Variants in RPL32 observed in about 807,000 individuals in gnomAD.
RPL32 encodes the protein large ribosomal subunit protein eL32.
For synonymous variants in RPL32, 61 were observed against 62.6 expected (o/e 0.98, Z 0.12); for missense variants, 117 against 173.7 (o/e 0.67, Z 1.83).
At position 12,835,766 on chromosome 3, in the gene RPL32, T is replaced by C. The variant is rs946698479; in HGVS notation, c.*328A>G. On this transcript the variant is annotated 3_prime_UTR_variant, in exon 4 of 4. Coordinates refer to ENST00000429711, the MANE Select transcript of RPL32 (RefSeq NM_000994.4). The stretch of plus-strand genomic sequence containing the variant: ...AACTTTACAAAAGCAAGGCTAAGAA[T>C]GACTACTTGTGGCTTGGGAGCCACA... The C allele has an allele frequency of 5.5e-5, 13 of 238,314 alleles. No homozygotes were observed. The Admixed American group carries it at 6.6e-4, about 12-fold the overall frequency. 14.8% of individuals were successfully genotyped at this position (238,314 alleles called of 1,614,324 possible). A position where few individuals can be genotyped will look rare whatever the true frequency, so the allele number is the denominator to read the frequency against.
Position 12,841,539 on chromosome 3 carries a change from G to A in RPL32, c.-51C>T, listed in dbSNP as rs571345332. 18 of 152,390 alleles carry A rather than the reference G, an allele frequency of 1.2e-4. No individual in the cohort carries two copies. The highest frequency in any genetic ancestry group is 8.5e-4 in the Admixed American group (13 of 15,302). The allele number at this position is 152,390 out of a possible 1,614,324, so 9.4% of individuals were successfully genotyped here. On this transcript the variant is annotated 5_prime_UTR_variant, in exon 1 of 4. Coordinates refer to ENST00000429711, the MANE Select transcript of RPL32 (RefSeq NM_000994.4). ...CCTCCGTAGGCAGCGCCGAGGAAGA[G>A]AGAAGGGACGGTGGCGCGCAAGGGC...
intron 3 of RPL32, 147 bp downstream of exon 3, chr3:12,839,202 C>T: frequency 2.8e-6 from 2 of 715,126 alleles, no homozygotes; most frequent in Non-Finnish European, 4.8e-6. Context: ...CTCTAAAATC[C>T]TGCAAGGAAC....
At chr3:12,838,305 G>C (rs7638085) in intron 3 of RPL32, among the ~76,000 whole-genome samples, 4 of 152,006 alleles carry the variant, frequency 2.6e-5, no homozygotes, top group African/African-American at 9.7e-5. Flanking sequence ...TCTTGGGAGG[G>C]TGAGGCAGAA....
Position 12,836,204 on chromosome 3 carries a change from C to T in RPL32, c.298G>A (p.Ala100Thr), listed in dbSNP as rs770370617. 14 of 1,600,248 alleles carry T rather than the reference C, an allele frequency of 8.7e-6. No individual in the cohort carries two copies. The highest frequency in any genetic ancestry group is 3.3e-5 in the Admixed American group (2 of 59,990). The change falls in exon 4 of 4, where the codon GCT becomes ACT. Residue 100 changes from alanine to threonine, a missense_variant. Coordinates refer to ENST00000429711, the MANE Select transcript of RPL32 (RefSeq NM_000994.4). ...MCNKSYCAEI[A>T]HNVSSKNRKA... is the part of the protein sequence containing the mutation. ...CGGTTCTTGGAGGAAACATTGTGAG[C>T]GATCTCGGCACAGTAAGATCTGCAA... is the stretch of plus-strand genomic sequence containing the variant.
chr3:12,840,224 C>T lies in RPL32; in HGVS notation c.14G>A (p.Arg5Lys). The T allele has an allele frequency of 1.2e-6, 2 of 1,613,904 alleles. No individual in the cohort carries two copies. The highest frequency in any genetic ancestry group is 1.7e-6 in the Non-Finnish European group (2 of 1,179,838). Residue 5 changes from arginine (R) to lysine (K), a missense_variant, in exon 2 of 4, where the codon AGA becomes AAA. Arg to Lys is a conservative substitution (Grantham distance 26). Coordinates refer to ENST00000429711, the MANE Select transcript of RPL32 (RefSeq NM_000994.4). Reference protein sequence around the residue: MAALRPLVKPKIVKK... With the variant: MAALKPLVKPKIVKK... ...GACGATCTTGGGCTTCACAAGGGGT[C>T]TGAGGGCGGCCATGATGCCTTTTGG...
intron 2 of RPL32, among the ~76,000 whole-genome samples, chr3:12,839,909 G>T (rs2062134400): frequency 6.6e-6 from 1 of 152,162 alleles, no homozygotes; most frequent in South Asian, 2.1e-4. Flanking sequence ...CAAATGCAAA[G>T]CCCTCTGAAC....
chr3:12,837,406 AAG>A (rs1218090574), intron 3 of RPL32, among the ~76,000 whole-genome samples: 1 of 152,244 alleles, frequency 6.6e-6, no homozygotes, highest in African/African-American at 2.4e-5. Context: ...TCAAACGTCA[AAG>A]AGTATTTCTA....
In RPL32 at chr3:12,835,549, G is replaced by GA; in HGVS notation, c.*544dup. On this transcript the variant is annotated 3_prime_UTR_variant, in exon 4 of 4. Transcript: ENST00000429711. ...GCTGGTGGGAGGGTTATAGGAGACT[G>GA]AAAGTGCTTTTCCAGTTAACCGTGG... 1 of 156,224 alleles carries GA rather than the reference G, an allele frequency of 6.4e-6. No homozygotes were observed. Among genetic ancestry groups the GA allele is most frequent in the East Asian group, 1.9e-4 (1 of 5,314 alleles). The allele number at this position is 156,224 out of a possible 1,614,324, so 9.7% of individuals were successfully genotyped here.
intron 2 of RPL32, 51 bp from the exon 3 acceptor site, chr3:12,839,581 C>T (rs759482665): frequency 1.3e-6 from 2 of 1,574,990 alleles, no homozygotes; most frequent in Non-Finnish European, 1.7e-6. Flanking sequence ...AGTGCGAACT[C>T]TTCCTTTTGG....
chr3:12,840,258 C>G lies in RPL32; in HGVS notation c.-5-16G>C. 2 of 1,583,690 alleles carry G rather than the reference C, an allele frequency of 1.3e-6. No individual in the cohort carries two copies. Among genetic ancestry groups the G allele is most frequent in the South Asian group, 1.1e-5 (1 of 90,530 alleles). On this transcript the variant is annotated splice_polypyrimidine_tract_variant and intron_variant, in intron 1 of 3. Transcript: ENST00000429711. ...GCCATGATGCCTTTTGGGGAAGAAGCGGCCCCAGGTGAGGAAGAATCCTGG... is the reference window on the plus strand; with the variant it reads ...GCCATGATGCCTTTTGGGGAAGAAGGGGCCCCAGGTGAGGAAGAATCCTGG...
intron 3 of RPL32, among the ~76,000 whole-genome samples, chr3:12,838,427 C>A (rs2062118370): frequency 6.6e-6 from 1 of 152,098 alleles, no homozygotes; most frequent in African/African-American, 2.4e-5. Context: ...ACCAATAAAA[C>A]CCACCTGGAA....
intron 1 of RPL32, 148 bp from the exon 2 acceptor site, chr3:12,840,390 T>A (rs1220705804): frequency 1.3e-6 from 1 of 756,768 alleles, no homozygotes; most frequent in Non-Finnish European, 2.4e-6. Context: ...AGGCTTGCTT[T>A]CCCTCCCTTT....
chr3:12,836,877 T>C (rs903773222), intron 3 of RPL32, among the ~76,000 whole-genome samples: 1 of 152,186 alleles, frequency 6.6e-6, no homozygotes, highest in Non-Finnish European at 1.5e-5. Flanking sequence ...CCACCCACAG[T>C]GGTTAAGAAC....
At position 12,835,734 on chromosome 3, in the gene RPL32, G is replaced by T; in HGVS notation, c.*360C>A. ...TCACAAGCATCACATGGAATAACTT[G>T]TCACCTAACTTTACAAAAGCAAGGC... On this transcript the variant is annotated 3_prime_UTR_variant, in exon 4 of 4. Coordinates refer to ENST00000429711, the MANE Select transcript of RPL32 (RefSeq NM_000994.4). 1 of 194,018 alleles carries T rather than the reference G, an allele frequency of 5.2e-6. No homozygotes were observed. The highest frequency in any genetic ancestry group is 1.1e-5 in the Non-Finnish European group (1 of 93,790). 12.0% of individuals were successfully genotyped at this position (194,018 alleles called of 1,614,324 possible). A position where few individuals can be genotyped will look rare whatever the true frequency, so the allele number is the denominator to read the frequency against.
At chr3:12,838,524 A>C (rs922282792) in intron 3 of RPL32, among the ~76,000 whole-genome samples, 2 of 152,032 alleles carry the variant, frequency 1.3e-5, no homozygotes, top group Admixed American at 1.3e-4. Context: ...CCTGTTCTCC[A>C]TCTAATGCAA....
At chr3:12,836,386 G>A (rs2062100285) in intron 3 of RPL32, among the ~76,000 whole-genome samples, 163 bp from the exon 4 acceptor site, 1 of 152,162 alleles carries the variant, frequency 6.6e-6, no homozygotes, top group East Asian at 1.9e-4. Context: ...ATGGTTCCCT[G>A]GTGGTGACAA....
chr3:12,838,918 G>A (rs1319566609), intron 3 of RPL32: 1 of 220,884 alleles, frequency 4.5e-6, no homozygotes, highest in South Asian at 7.0e-5. Context: ...ATATTCTTAG[G>A]GTCTCCCAAG....
At chr3:12,839,748 C>T (rs1330433730) in intron 2 of RPL32, among the ~76,000 whole-genome samples, 1 of 152,192 alleles carries the variant, frequency 6.6e-6, no homozygotes, top group African/African-American at 2.4e-5. Context: ...TTGCCACTCC[C>T]AAGCAATGGA....
At chr3:12,836,680 G>A (rs536743416) in intron 3 of RPL32, among the ~76,000 whole-genome samples, 1 of 152,316 alleles carries the variant, frequency 6.6e-6, no homozygotes, top group East Asian at 1.9e-4. Flanking sequence ...GACTGCTGAG[G>A]ATACAAAGCA....
Sources: gnomAD v4.1 joint callset for allele counts (sites outside exome capture counted in the v4.1 genomes callset) on GRCh38, gnomAD v4.1.1 for gene constraint, MANE v1.5 for transcripts, NCBI Gene and HGNC (gene_info 2026-07-23, HGNC 2026-07-21) for gene names.